The following ATF3 variants were observed in gnomAD, a reference collection of about 807,000 sequenced individuals.
The protein encoded by ATF3 is cyclic AMP-dependent transcription factor ATF-3.
ATF3 carries 10 observed loss-of-function variants against 18.4 expected under a neutral mutation model. The ratio of observed to expected loss-of-function variants is 0.54; its 90% CI spans 0.34 to 0.92. The LOEUF (loss-of-function observed/expected upper bound fraction) is 0.92, where lower values mean the gene tolerates loss of function less well. ATF3 is among the 40% of genes least tolerant of loss of function. The pLI, the probability that ATF3 is intolerant of heterozygous loss-of-function variation, is 0.02. For synonymous variants in ATF3, 78 were observed against 87.9 expected (o/e 0.89, Z 0.63); for missense variants, 183 against 222.3 (o/e 0.82, Z 1.12).
intron 1 of ATF3, among the ~76,000 whole-genome samples, chr1:212,598,642 T>C (rs1654390168): frequency 6.6e-6 from 1 of 152,224 alleles, no homozygotes; most frequent in Admixed American, 6.5e-5. Flanking sequence ...GTAACCATCC[T>C]TCTACTCTTT....
intron 1 of ATF3, among the ~76,000 whole-genome samples, chr1:212,603,442 TC>T (rs1654539029): frequency 6.6e-6 from 1 of 152,154 alleles, no homozygotes; most frequent in Non-Finnish European, 1.5e-5. Context: ...TCTTTGGGGG[TC>T]CTTCCATCTT....
chr1:212,575,481 G>A (rs919781077), intron 1 of ATF3, among the ~76,000 whole-genome samples: 5 of 152,040 alleles, frequency 3.3e-5, no homozygotes, highest in East Asian at 3.8e-4. Flanking sequence ...TTCAGCAAAC[G>A]AAAACAGCCT....
intron 1 of ATF3, among the ~76,000 whole-genome samples, chr1:212,569,692 T>TTTTTTTTTTTTTTTTTTTTTTTTGAG (rs1664445733): frequency 6.6e-6 from 1 of 152,162 alleles, no homozygotes; most frequent in African/African-American, 2.4e-5. Context: ...ACATAATTTT[T>TTTTTTTTTTTTTTTTTTTTTTTTGAG]AATGATTGTA....
At chr1:212,617,206 T>C (rs889095343) in intron 2 of ATF3, among the ~76,000 whole-genome samples, 1 of 152,136 alleles carries the variant, frequency 6.6e-6, no homozygotes, top group African/African-American at 2.4e-5. Context: ...GCCCCACCCT[T>C]CCCTGTAGCA....
At chr1:212,588,175 C>T (rs1367676458) in intron 1 of ATF3, among the ~76,000 whole-genome samples, 1 of 152,092 alleles carries the variant, frequency 6.6e-6, no homozygotes, top group Non-Finnish European at 1.5e-5. Flanking sequence ...ACATTGAAAC[C>T]CAACAGAAGA....
upstream of ATF3, among the ~76,000 whole-genome samples, chr1:212,608,335 C>G (rs933246892): frequency 1.6e-5 from 2 of 122,276 alleles, no homozygotes; most frequent in Admixed American, 1.1e-4. Flanking sequence ...CCTTCCCCGC[C>G]CCCCCCGCTC....
At chr1:212,587,459 G>A (rs1257055256) in intron 1 of ATF3, among the ~76,000 whole-genome samples, 3 of 152,152 alleles carry the variant, frequency 2.0e-5, no homozygotes, top group Non-Finnish European at 4.4e-5. Context: ...ATGGGGGTGG[G>A]TTATGTGACG....
intron 1 of ATF3, among the ~76,000 whole-genome samples, chr1:212,570,440 T>C (rs1664460422): frequency 6.6e-6 from 1 of 152,212 alleles, no homozygotes; most frequent in African/African-American, 2.4e-5. Context: ...CCTAGCAAGA[T>C]ATAAAACTCA....
At chr1:212,615,298 T>A in intron 2 of ATF3, 37 bp downstream of exon 2, 7 of 1,596,850 alleles carry the variant, frequency 4.4e-6, no homozygotes, top group Non-Finnish European at 6.0e-6. Flanking sequence ...TTTCGGCACA[T>A]GTTTCGCTCG....
intron 1 of ATF3, among the ~76,000 whole-genome samples, chr1:212,587,100 G>A (rs895754303): frequency 1.3e-5 from 2 of 152,136 alleles, no homozygotes; most frequent in African/African-American, 4.8e-5. Flanking sequence ...GAGGGAAGGC[G>A]GGAGAAGAAG....
rs533360527 is a variant in ATF3, at chr1:212,587,343, GAGAACTA to G, written c.-5+21862_-5+21868del. 2.1e-3 allele frequency among the ~76,000 whole-genome samples: 318 copies of G among 152,304 alleles called. 2 individuals carry two copies. The highest frequency in any genetic ancestry group is 5.9e-3 in the Admixed American group (91 of 15,298). On this transcript the variant is annotated intron_variant, in intron 1 of 3. Coordinates refer to the ATF3 transcript ENST00000366981. ...GACAGACTTTATGGAAAGCTGACCT[GAGAACTA>G]AAATATTCCTTTATGATATTGTTTC...
In ATF3 at chr1:212,619,731, A is replaced by T; in HGVS notation, c.*176A>T. The T allele has an allele frequency of 1.2e-6, 1 of 836,052 alleles. No homozygotes were observed. Among genetic ancestry groups the T allele is most frequent in the Non-Finnish European group, 1.8e-6 (1 of 551,280 alleles). 51.8% of individuals were successfully genotyped at this position (836,052 alleles called of 1,614,324 possible). The stretch of plus-strand genomic sequence containing the variant: ...GCAGGCCCTTCCCATTCTGCCCCAG[A>T]GTGGGTCTTGGACCAGGGCAAGTGC... On this transcript the variant is annotated 3_prime_UTR_variant, in exon 4 of 4. Transcript: ENST00000341491. This position sits in a 1 kb window ranked among gnomAD's most constrained non-coding sequence, Gnocchi z 4.4.
At chr1:212,579,363 C>T (rs1357624725) in intron 1 of ATF3, among the ~76,000 whole-genome samples, 1 of 152,136 alleles carries the variant, frequency 6.6e-6, no homozygotes, top group Non-Finnish European at 1.5e-5. Context: ...GTTCCATGTA[C>T]CTTCCCCATC....
At chr1:212,607,458 G>A (rs897466043), upstream of ATF3, among the ~76,000 whole-genome samples, 2 of 152,208 alleles carry the variant, frequency 1.3e-5, no homozygotes, top group Non-Finnish European at 2.9e-5. Context: ...AAATTGTTGG[G>A]GTCGGGGAAT....
chr1:212,612,949 T>C (rs1241726199), intron 1 of ATF3, among the ~76,000 whole-genome samples: 2 of 152,216 alleles, frequency 1.3e-5, no homozygotes, highest in African/African-American at 2.4e-5. Flanking sequence ...TTCCAGGGCA[T>C]ATTCATGTAT....
chr1:212,582,939 CT>C (rs1664711275), intron 1 of ATF3, among the ~76,000 whole-genome samples: 1 of 151,808 alleles, frequency 6.6e-6, no homozygotes, highest in Admixed American at 6.6e-5. Flanking sequence ...AGTAGCAGAG[CT>C]TGGATTCCAA....
In ATF3 at chr1:212,618,676, T is replaced by G; in HGVS notation, c.348+442T>G. 2.4e-6 allele frequency: 1 copy of G among 422,178 alleles called. No homozygotes were observed. Among genetic ancestry groups the G allele is most frequent in the Non-Finnish European group, 4.4e-6 (1 of 228,016 alleles). 26.2% of individuals were successfully genotyped at this position (422,178 alleles called of 1,614,324 possible). On this transcript the variant is annotated intron_variant, in intron 3 of 3. Transcript: ENST00000341491. This position sits in a 1 kb window ranked among gnomAD's most constrained non-coding sequence, Gnocchi z 4.4. The stretch of plus-strand genomic sequence containing the variant: ...AAGCAGTGGTTACACTTGCTTTGCA[T>G]TCTTGTCTGGTTCCTAACTCTAGAG...
intron 1 of ATF3, among the ~76,000 whole-genome samples, chr1:212,601,490 G>A (rs1654483618): frequency 6.6e-6 from 1 of 152,216 alleles, no homozygotes; most frequent in African/African-American, 2.4e-5. Flanking sequence ...TTTGAGGACA[G>A]TATCGCTTAA....
chr1:212,595,661 C>T (rs1371951583), intron 1 of ATF3, among the ~76,000 whole-genome samples: 1 of 152,192 alleles, frequency 6.6e-6, no homozygotes, highest in Non-Finnish European at 1.5e-5. Flanking sequence ...ACTATGGGAA[C>T]ACAGAAAAGG....
Sources: allele counts gnomAD v4.1 joint callset (sites outside exome capture counted in the v4.1 genomes callset), GRCh38; gene constraint gnomAD v4.1.1; non-coding constraint Gnocchi (gnomAD v3.1); transcripts MANE v1.5; gene names NCBI Gene and HGNC (gene_info 2026-07-23, HGNC 2026-07-21).